MAGT1: variants seen among roughly 807,000 people sequenced by gnomAD.
The protein encoded by MAGT1 is dolichyl-diphosphooligosaccharide--protein glycosyltransferase subunit MAGT1.
Under a neutral mutation model 28.4 loss-of-function variants are expected in MAGT1, and 4 were observed. That is an observed-to-expected ratio of 0.14 (90% CI 0.07 to 0.32). The LOEUF (loss-of-function observed/expected upper bound fraction) is 0.32. MAGT1 is among the 10% of genes least tolerant of loss of function. MAGT1 has a pLI of 1.00. For missense variants in MAGT1, 193 were observed against 264.5 expected (o/e 0.73, Z 1.88); for synonymous variants, 89 against 89.7 (o/e 0.99, Z 0.04).
rs781987413 is a variant in MAGT1 at position 77,856,220 on chromosome X, G to T, written c.672+513C>A. Among the ~76,000 whole-genome samples the T allele has an allele frequency of 7.3e-3, 808 of 110,553 alleles. 3 individuals are homozygous for T. The highest frequency in any genetic ancestry group is 0.012 in the Non-Finnish European group (633 of 52,816). ...GGAGGCTGAGGTGGGCGGGTCACCT[G>T]AGGTCAGGAGTTCAAGACCAGCCTG... On this transcript the variant is annotated intron_variant, in intron 5 of 9. Coordinates refer to ENST00000618282, the MANE Select transcript of MAGT1 (RefSeq NM_001367916.1).
chrX:77,893,954 C>T (rs940379993), intron 1 of MAGT1, among the ~76,000 whole-genome samples: 1 of 111,082 alleles, frequency 9.0e-6, no homozygotes, highest in Non-Finnish European at 1.9e-5. Context: ...CCAGCAATAC[C>T]AGCATGTAAA....
chrX:77,855,379 AAG>A, intron 6 of MAGT1, 120 bp downstream of exon 6: 1 of 525,501 alleles, frequency 1.9e-6, no homozygotes. Context: ...TTGTTAACAC[AAG>A]AGAGATTGAA....
At chrX:77,875,836 GAATA>G (rs1421911263) in intron 1 of MAGT1, among the ~76,000 whole-genome samples, 5 of 109,787 alleles carry the variant, frequency 4.6e-5, no homozygotes, top group Non-Finnish European at 7.6e-5. Flanking sequence ...ATGAATGAAT[GAATA>G]AACGAATGAA....
chrX:77,854,096 T>C, intron 6 of MAGT1, 132 bp from the exon 7 acceptor site: 1 of 530,961 alleles, frequency 1.9e-6, no homozygotes, highest in South Asian at 2.6e-5. Context: ...ACTCCGGGTC[T>C]GTGGCATTCA....
At position 77,856,910 on chromosome X, in the gene MAGT1, A is replaced by C. The variant is rs111536664; in HGVS notation, c.532-37T>G. ...GAGAGAAAAACATGTTAAAGTATAA[A>C]ATTTTTTTACTAATTATATGGGTCA... On this transcript the variant is annotated intron_variant, in intron 4 of 9. Transcript: ENST00000618282. The C allele has an allele frequency of 8.0e-5, 91 of 1,133,861 alleles. No individual in the cohort carries two copies. In the African/African-American group the frequency reaches 1.5e-3, roughly 19 times the overall value. 93.4% of individuals were successfully genotyped at this position (1,133,861 alleles called of 1,213,427 possible).
chrX:77,894,240 T>C (rs1248257335), intron 1 of MAGT1, among the ~76,000 whole-genome samples: 2 of 112,194 alleles, frequency 1.8e-5, no homozygotes, highest in African/African-American at 6.5e-5. Flanking sequence ...TCACGATACT[T>C]TTGACAATTG....
chrX:77,840,146 T>C (rs2076930798), intron 8 of MAGT1, among the ~76,000 whole-genome samples: 1 of 106,735 alleles, frequency 9.4e-6, no homozygotes, highest in Non-Finnish European at 1.9e-5. Context: ...ATGCCTGTAA[T>C]CCTAGCACTT....
intron 1 of MAGT1, among the ~76,000 whole-genome samples, chrX:77,891,978 C>T (rs1206121806): frequency 9.2e-6 from 1 of 108,342 alleles, no homozygotes; most frequent in Admixed American, 9.9e-5. Context: ...GACAGAGTCT[C>T]GCTCTCTTGT....
intron 1 of MAGT1, among the ~76,000 whole-genome samples, chrX:77,887,086 C>T (rs782417450): frequency 3.6e-5 from 4 of 110,535 alleles, no homozygotes; most frequent in Non-Finnish European, 7.6e-5. Context: ...TTCTTGTTTT[C>T]TCTCTCTCTC....
At chrX:77,849,490 T>C (rs2076961095) in intron 7 of MAGT1, among the ~76,000 whole-genome samples, 1 of 111,207 alleles carries the variant, frequency 9.0e-6, no homozygotes, top group African/African-American at 3.3e-5. Context: ...TCAGGAGGAA[T>C]GATGATGGAA....
chrX:77,889,147 T>C (rs2077074812), intron 1 of MAGT1, among the ~76,000 whole-genome samples: 1 of 99,201 alleles, frequency 1.0e-5, no homozygotes, highest in Non-Finnish European at 2.0e-5. Context: ...GCTATTTTTT[T>C]TTTTTTTTTT....
intron 9 of MAGT1, among the ~76,000 whole-genome samples, chrX:77,830,391 G>A (rs781973863): frequency 1.8e-5 from 2 of 111,363 alleles, no homozygotes; most frequent in East Asian, 5.6e-4. Context: ...AGGATGAGGC[G>A]GGTGGATCAC....
intron 7 of MAGT1, among the ~76,000 whole-genome samples, chrX:77,851,582 C>T (rs189225708): frequency 2.7e-5 from 3 of 111,775 alleles, no homozygotes; most frequent in East Asian, 5.7e-4. Context: ...CCATATTGGC[C>T]GGGCTGGTCT....
intron 7 of MAGT1, among the ~76,000 whole-genome samples, chrX:77,843,929 C>A (rs781850763): frequency 9.0e-6 from 1 of 111,417 alleles, no homozygotes; most frequent in South Asian, 3.7e-4. Flanking sequence ...GTGTGTCTGC[C>A]AGGCTTTGGT....
chrX:77,881,861 C>T (rs1246723804), intron 1 of MAGT1, among the ~76,000 whole-genome samples: 2 of 111,479 alleles, frequency 1.8e-5, no homozygotes, highest in Non-Finnish European at 3.8e-5. Context: ...CAATTTTAGA[C>T]CAATATCTCT....
chrX:77,860,560 T>A (rs2076992196), intron 3 of MAGT1, among the ~76,000 whole-genome samples: 1 of 110,069 alleles, frequency 9.1e-6, no homozygotes, highest in Non-Finnish European at 1.9e-5. Context: ...GACAGGTGTA[T>A]CACTTGAGGC....
At chrX:77,868,836 G>T (rs781926247) in intron 3 of MAGT1, among the ~76,000 whole-genome samples, 3 of 110,942 alleles carry the variant, frequency 2.7e-5, no homozygotes, top group Middle Eastern at 4.7e-3. Flanking sequence ...ACAAAAAATA[G>T]TTGTGAGAGG....
intron 1 of MAGT1, among the ~76,000 whole-genome samples, chrX:77,891,221 TAG>T (rs1557219457): frequency 9.0e-6 from 1 of 111,042 alleles, no homozygotes; most frequent in African/African-American, 3.3e-5. Flanking sequence ...GCTTTGGAAC[TAG>T]ACAGACCAGT....
chrX:77,855,751 G>A (rs1266453341), intron 5 of MAGT1, among the ~76,000 whole-genome samples, 161 bp from the exon 6 acceptor site: 2 of 111,482 alleles, frequency 1.8e-5, no homozygotes, highest in Middle Eastern at 4.6e-3. Flanking sequence ...ATCACAATTC[G>A]ATAATACTTC....
Sources: allele counts gnomAD v4.1 joint callset (sites outside exome capture counted in the v4.1 genomes callset), GRCh38; gene constraint gnomAD v4.1.1; transcripts MANE v1.5; gene names NCBI Gene and HGNC (gene_info 2026-07-23, HGNC 2026-07-21).